The following NUP133 variants were observed in gnomAD, a reference collection of about 807,000 sequenced individuals.
The protein encoded by NUP133 is nucleoporin 133.
Under a neutral mutation model 146.2 loss-of-function variants are expected in NUP133, and 66 were observed. The ratio of observed to expected loss-of-function variants is 0.45; its 90% CI spans 0.37 to 0.55. The LOEUF is 0.55. Ranked by LOEUF, NUP133 falls within the 20% of genes least tolerant of loss-of-function variation. NUP133 has a pLI of 0.00. For missense variants in NUP133, 1,277 were observed against 1,374.8 expected (o/e 0.93, Z 1.12); for synonymous variants, 521 against 498.8 (o/e 1.04, Z -0.59).
chr1:229,441,775 C>A lies in NUP133; in HGVS notation c.*129G>T. The A allele has an allele frequency of 2.7e-6, 2 of 744,578 alleles. No homozygotes were observed. The highest frequency in any genetic ancestry group is 2.3e-5 in the South Asian group (1 of 43,128). 46.1% of individuals were successfully genotyped at this position (744,578 alleles called of 1,614,324 possible). ...ATAACTATTTTATATTAGCTTCCTA[C>A]ATATAAAGTATAAAAACTCAGCTAT... On this transcript the variant is annotated 3_prime_UTR_variant, in exon 26 of 26. Transcript: ENST00000261396.
chr1:229,476,103 G>A (rs1190855058), intron 13 of NUP133, among the ~76,000 whole-genome samples: 1 of 150,412 alleles, frequency 6.6e-6, no homozygotes, highest in Non-Finnish European at 1.5e-5. Context: ...GCGAGACTCG[G>A]TCTCAAAAAA....
chr1:229,449,281 A>G, intron 23 of NUP133, 91 bp from the exon 24 acceptor site: 2 of 732,142 alleles, frequency 2.7e-6, no homozygotes, highest in Non-Finnish European at 4.5e-6. Context: ...CTACATACAT[A>G]GAAGCCAATT....
chr1:229,458,032 T>TA lies in NUP133; in HGVS notation c.2980+128dup, dbSNP rs1443627358. 5.6e-6 allele frequency: 5 copies of TA among 898,010 alleles called. No homozygotes were observed. In the African/African-American group the frequency reaches 8.3e-5, roughly 15 times the overall value. The allele number at this position is 898,010 out of a possible 1,614,324, so 55.6% of individuals were successfully genotyped here. On this transcript the variant is annotated intron_variant, in intron 21 of 25. Coordinates refer to ENST00000261396, the MANE Select transcript of NUP133 (RefSeq NM_018230.3). ...TGAGTAACTACACATGGACATTAAC[T>TA]AAATGCATTCCTCTTAGAGACAGGT...
chr1:229,465,609 A>G, intron 16 of NUP133, 90 bp from the exon 17 acceptor site: 1 of 975,964 alleles, frequency 1.0e-6, no homozygotes. Context: ...GTAAATTAGT[A>G]AGAAAAAATA....
intron 20 of NUP133, among the ~76,000 whole-genome samples, chr1:229,458,711 A>AT (rs11444377): frequency 0.2 from 27,175 of 133,008 alleles, 3,232 homozygotes; most frequent in African/African-American, 0.27. Context: ...GATGGACTAC[A>AT]TTTTTTTTTT....
In NUP133 at chr1:229,489,995, G is replaced by A; in HGVS notation, c.1154C>T (p.Ala385Val). 1 of 1,609,670 alleles carries A rather than the reference G, an allele frequency of 6.2e-7. No homozygotes were observed. Residue 385 changes from alanine to valine, a missense_variant, in exon 9 of 26, where the codon GCA becomes GTA. Physicochemically the swap from Ala to Val is moderately conservative, Grantham distance 64. Coordinates refer to ENST00000261396, the MANE Select transcript of NUP133 (RefSeq NM_018230.3). ...ATATTGAGTGACTTCTACAGTAACT[G>A]CATCTGACATTTGGCAACCATTATC... Reference protein sequence around the residue: ...IEDNGCQMSDAVTVEVTQYNP... With the variant: ...IEDNGCQMSDVVTVEVTQYNP...
In NUP133 at chr1:229,486,305, G is replaced by C. The variant is rs1661344537; in HGVS notation, c.1500+66C>G. On this transcript the variant is annotated intron_variant, in intron 11 of 25. Coordinates refer to ENST00000261396, the MANE Select transcript of NUP133 (RefSeq NM_018230.3). The stretch of plus-strand genomic sequence containing the variant: ...CCACTGCACTCTAGCCTGGGTGACA[G>C]CGTGAGACACTATCTCTAAAAAATA... 6.4e-6 allele frequency: 9 copies of C among 1,401,950 alleles called. No individual in the cohort carries two copies. The East Asian group carries it at 2.0e-4, about 31-fold the overall frequency. The allele number at this position is 1,401,950 out of a possible 1,614,324, so 86.8% of individuals were successfully genotyped here.
At chr1:229,451,693 G>GA (rs1434181729) in intron 22 of NUP133, among the ~76,000 whole-genome samples, 1 of 151,946 alleles carries the variant, frequency 6.6e-6, no homozygotes, top group Non-Finnish European at 1.5e-5. Context: ...GACCATTTCA[G>GA]AAAAAAAGCT....
intron 11 of NUP133, among the ~76,000 whole-genome samples, chr1:229,485,918 C>A (rs530656912): frequency 2.6e-5 from 4 of 152,268 alleles, no homozygotes; most frequent in African/African-American, 9.6e-5. Context: ...AATCCCAGCA[C>A]TTTGGGAGGC....
At chr1:229,472,731 C>G (rs1048086587) in intron 14 of NUP133, among the ~76,000 whole-genome samples, 2 of 117,064 alleles carry the variant, frequency 1.7e-5, no homozygotes, top group Admixed American at 1.6e-4. Flanking sequence ...TATATATGTA[C>G]AATCATTCTA....
chr1:229,449,615 C>T (rs1254858911), intron 23 of NUP133, among the ~76,000 whole-genome samples: 1 of 151,558 alleles, frequency 6.6e-6, no homozygotes, highest in Non-Finnish European at 1.5e-5. Context: ...AGGCAATCCG[C>T]CCACCTTGGT....
At chr1:229,506,783 C>G (rs991749375) in intron 1 of NUP133, among the ~76,000 whole-genome samples, 2 of 147,318 alleles carry the variant, frequency 1.4e-5, no homozygotes, top group African/African-American at 5.0e-5. Context: ...TGGCACCAGC[C>G]TGTAGCCTGG....
rs139018781 is a variant in NUP133, at chr1:229,470,746, C to T, written c.1910G>A (p.Arg637Gln). 3.7e-5 allele frequency: 59 copies of T among 1,614,050 alleles called. No individual in the cohort carries two copies. Among genetic ancestry groups the T allele is most frequent in the African/African-American group, 1.5e-4 (11 of 74,922 alleles). ...FPVRGTPMATRLLLCEHAEKL... is the reference protein window; with the variant it reads ...FPVRGTPMATQLLLCEHAEKL... ...TTCGGCATGCTCACAGAGCAACAGTCGAGTGGCCATCGGTGTCCCTCTAAC... is the reference window on the plus strand; with the variant it reads ...TTCGGCATGCTCACAGAGCAACAGTTGAGTGGCCATCGGTGTCCCTCTAAC... Residue 637 changes from arginine to glutamine, a missense_variant, in exon 15 of 26, where the codon CGA becomes CAA. Arg to Gln is a conservative substitution (Grantham distance 43, BLOSUM62 1). Around this residue, in one of 3 missense-constraint regions of NUP133, gnomAD observed 952 missense variants for 1,047.0 expected, o/e 0.91. Transcript: ENST00000261396.
intron 20 of NUP133, among the ~76,000 whole-genome samples, chr1:229,460,409 T>G (rs1020439439): frequency 1.3e-5 from 2 of 152,134 alleles, no homozygotes; most frequent in Non-Finnish European, 2.9e-5. Context: ...ACTCCTGCAC[T>G]CAAGAGATCC....
chr1:229,477,412 C>A (rs1194250118), intron 13 of NUP133, among the ~76,000 whole-genome samples, 185 bp downstream of exon 13: 3 of 148,268 alleles, frequency 2.0e-5, no homozygotes, highest in African/African-American at 7.5e-5. Flanking sequence ...TGCACTCCAG[C>A]CTGGGTGACA....
chr1:229,453,410 C>G (rs182050605), intron 21 of NUP133, among the ~76,000 whole-genome samples: 1 of 140,726 alleles, frequency 7.1e-6, no homozygotes, highest in Non-Finnish European at 1.5e-5. Context: ...TGTCTAGCAT[C>G]ACCTAGTGGC....
intron 25 of NUP133, among the ~76,000 whole-genome samples, chr1:229,442,610 TA>T (rs1222936509): frequency 1.3e-5 from 2 of 151,624 alleles, no homozygotes; most frequent in Non-Finnish European, 2.9e-5. Flanking sequence ...TTCAAATTAA[TA>T]AGCCAATAAT....
chr1:229,506,864 A>C (rs1387608570), intron 1 of NUP133, among the ~76,000 whole-genome samples: 1 of 151,610 alleles, frequency 6.6e-6, no homozygotes, highest in Non-Finnish European at 1.5e-5. Context: ...ACAACCAAGC[A>C]AGAAATCGAA....
intron 24 of NUP133, among the ~76,000 whole-genome samples, chr1:229,446,555 C>T (rs1461239452): frequency 6.6e-6 from 1 of 151,620 alleles, no homozygotes; most frequent in Non-Finnish European, 1.5e-5. Flanking sequence ...AAGTGAAACC[C>T]CATCTCTACT....
Sources: gnomAD v4.1 joint callset for allele counts (sites outside exome capture counted in the v4.1 genomes callset) on GRCh38, gnomAD v4.1.1 for gene constraint, gnomAD v4.1.1 regional missense constraint, MANE v1.5 for transcripts, NCBI Gene and HGNC (gene_info 2026-07-23, HGNC 2026-07-21) for gene names.